The following ADAMTSL1 variants were observed in gnomAD, a reference collection of about 807,000 sequenced individuals.
The protein encoded by ADAMTSL1 is ADAMTS-like protein 1.
In ADAMTSL1, 126 loss-of-function variants were observed where a neutral mutation model predicts 201.8. The ratio of observed to expected loss-of-function variants is 0.62; its 90% CI spans 0.54 to 0.72. The LOEUF (loss-of-function observed/expected upper bound fraction) is 0.72, where lower values mean the gene tolerates loss of function less well. Ranked by LOEUF, ADAMTSL1 falls within the 30% of genes least tolerant of loss-of-function variation. The pLI, the probability that ADAMTSL1 is intolerant of heterozygous loss-of-function variation, is 0.00. For missense variants in ADAMTSL1, 2,679 were observed against 2,277.8 expected (o/e 1.18, Z -3.59); for synonymous variants, 1,121 against 903.4 (o/e 1.24, Z -4.32).
At chr9:18,554,891 A>C (rs551339365) in intron 3 of ADAMTSL1, among the ~76,000 whole-genome samples, 1 of 151,706 alleles carries the variant, frequency 6.6e-6, no homozygotes, top group African/African-American at 2.4e-5. Flanking sequence ...TAAAGCCCAT[A>C]GTTTACGTCA....
chr9:18,521,649 A>G (rs1013991881), intron 2 of ADAMTSL1, among the ~76,000 whole-genome samples: 1 of 152,166 alleles, frequency 6.6e-6, no homozygotes, highest in Non-Finnish European at 1.5e-5. Context: ...TAAAGAAGAG[A>G]CAGTGCTGAA....
intron 2 of ADAMTSL1, among the ~76,000 whole-genome samples, chr9:18,269,706 G>T (rs374621201): frequency 6.6e-6 from 1 of 152,146 alleles, no homozygotes. Flanking sequence ...TTGGAAAAGA[G>T]TATGGACAAA....
At chr9:18,675,745 T>G (rs1830096714) in intron 9 of ADAMTSL1, 112 bp from the exon 10 acceptor site, 1 of 934,708 alleles carries the variant, frequency 1.1e-6, no homozygotes, top group Non-Finnish European at 1.7e-6. Flanking sequence ...TAGATACAAT[T>G]TATTAATGTT....
intron 1 of ADAMTSL1, among the ~76,000 whole-genome samples, chr9:17,917,036 A>G (rs1826122303): frequency 6.6e-6 from 1 of 152,280 alleles, no homozygotes; most frequent in Admixed American, 6.5e-5. Context: ...ATGACATTTT[A>G]AAAAATTTTA....
intron 23 of ADAMTSL1, among the ~76,000 whole-genome samples, chr9:18,858,171 C>T (rs1056517983): frequency 5.1e-5 from 6 of 118,476 alleles, no homozygotes; most frequent in Non-Finnish European, 1.0e-4. Context: ...AACTCTTACC[C>T]AACACCACAG....
intron 7 of ADAMTSL1, among the ~76,000 whole-genome samples, chr9:18,647,696 T>C (rs2132877494): frequency 6.6e-6 from 1 of 151,330 alleles, no homozygotes. Context: ...GTTGAGTGGT[T>C]TTGAGTGAGA....
At chr9:17,958,622 A>G (rs1000773479) in intron 1 of ADAMTSL1, among the ~76,000 whole-genome samples, 2 of 152,152 alleles carry the variant, frequency 1.3e-5, no homozygotes, top group Non-Finnish European at 1.5e-5. Context: ...TTTCTATGGC[A>G]TGGTGTGCTT....
intron 1 of ADAMTSL1, among the ~76,000 whole-genome samples, chr9:18,144,080 C>G (rs1403887216): frequency 1.3e-5 from 2 of 152,160 alleles, no homozygotes; most frequent in Non-Finnish European, 2.9e-5. Flanking sequence ...GAATGGAACT[C>G]TCTCCTGATT....
chr9:18,366,457 T>A (rs775748660), intron 2 of ADAMTSL1, among the ~76,000 whole-genome samples: 39 of 152,164 alleles, frequency 2.6e-4, no homozygotes, highest in Non-Finnish European at 5.3e-4. Context: ...AGCATCATCA[T>A]ATACTGCTTT....
chr9:18,775,654 C>A (rs1820931090), intron 17 of ADAMTSL1, 89 bp from the exon 18 acceptor site: 1 of 1,501,830 alleles, frequency 6.7e-7, no homozygotes. Context: ...AAGCAAATTT[C>A]TCATATTTTG....
intron 13 of ADAMTSL1, among the ~76,000 whole-genome samples, chr9:18,699,354 T>C (rs1300781169): frequency 6.6e-6 from 1 of 151,016 alleles, no homozygotes; most frequent in South Asian, 2.1e-4. Flanking sequence ...AGACTGGGTC[T>C]TTCTTTGTAG....
intron 2 of ADAMTSL1, among the ~76,000 whole-genome samples, chr9:18,407,406 C>T (rs1335593495): frequency 1.3e-5 from 2 of 152,136 alleles, no homozygotes; most frequent in Non-Finnish European, 2.9e-5. Context: ...TGGGAATTCT[C>T]ATCATAGAAG....
chr9:18,848,027 T>C (rs1232962262), intron 23 of ADAMTSL1, among the ~76,000 whole-genome samples: 2 of 152,360 alleles, frequency 1.3e-5, no homozygotes, highest in South Asian at 4.1e-4. Flanking sequence ...GAGCTGACTC[T>C]AGTAAAACAG....
At chr9:18,517,791 C>T (rs1320551788) in intron 2 of ADAMTSL1, among the ~76,000 whole-genome samples, 2 of 152,104 alleles carry the variant, frequency 1.3e-5, no homozygotes, top group Non-Finnish European at 2.9e-5. Flanking sequence ...TTTCTTAATC[C>T]AGTCTATCAT....
chr9:18,195,787 G>T (rs1027534918), intron 2 of ADAMTSL1, among the ~76,000 whole-genome samples: 1 of 151,970 alleles, frequency 6.6e-6, no homozygotes, highest in Admixed American at 6.6e-5. Context: ...TTATCTCATG[G>T]CCCTTTTAAG....
intron 2 of ADAMTSL1, among the ~76,000 whole-genome samples, chr9:18,279,372 G>T (rs1490848308): frequency 6.6e-6 from 1 of 151,980 alleles, no homozygotes; most frequent in Non-Finnish European, 1.5e-5. Context: ...TCAAGGATCA[G>T]CTGTATTTTG....
At chr9:18,181,567 C>T (rs967267123) in intron 2 of ADAMTSL1, among the ~76,000 whole-genome samples, 34 of 152,202 alleles carry the variant, frequency 2.2e-4, no homozygotes, top group African/African-American at 8.2e-4. Context: ...CAGAGAAATG[C>T]AAATCAAAAC....
chr9:18,756,974 A>G (rs1367711645), intron 16 of ADAMTSL1, among the ~76,000 whole-genome samples: 1 of 152,224 alleles, frequency 6.6e-6, no homozygotes, highest in African/African-American at 2.4e-5. Context: ...ATATTTACAC[A>G]TTCTGCAGGT....
intron 15 of ADAMTSL1, among the ~76,000 whole-genome samples, chr9:18,743,320 A>G (rs1456477196): frequency 6.6e-6 from 1 of 152,188 alleles, no homozygotes; most frequent in Non-Finnish European, 1.5e-5. Flanking sequence ...CATGTTCTGT[A>G]AAGGAAGTAG....
Sources: gnomAD v4.1 joint callset for allele counts (sites outside exome capture counted in the v4.1 genomes callset) on GRCh38, gnomAD v4.1.1 for gene constraint, MANE v1.5 for transcripts, NCBI Gene and HGNC (gene_info 2026-07-23, HGNC 2026-07-21) for gene names.